The following COL25A1 variants were observed in gnomAD, a reference collection of about 807,000 sequenced individuals.
COL25A1 encodes collagen type XXV alpha 1 chain, also known as collagen alpha-1(XXV) chain.
COL25A1 carries 103 observed loss-of-function variants against 128.4 expected under a neutral mutation model. That is an observed-to-expected ratio of 0.80 (90% confidence interval 0.68 to 0.94). COL25A1 has a LOEUF of 0.94. COL25A1 is among the 40% of genes least tolerant of loss of function. COL25A1 has a pLI of 0.00. For missense variants in COL25A1, 745 were observed against 840.0 expected (o/e 0.89, Z 1.40); for synonymous variants, 279 against 277.2 (o/e 1.01, Z -0.06).
chr4:108,843,352 T>C (rs1305621330), intron 30 of COL25A1, among the ~76,000 whole-genome samples: 1 of 152,132 alleles, frequency 6.6e-6, no homozygotes, highest in Non-Finnish European at 1.5e-5. Flanking sequence ...AGAGTGACCA[T>C]AATTTACTTA....
At chr4:108,968,113 G>A (rs1751523411) in intron 8 of COL25A1, among the ~76,000 whole-genome samples, 2 of 152,142 alleles carry the variant, frequency 1.3e-5, no homozygotes, top group Non-Finnish European at 2.9e-5. Flanking sequence ...TCTTATGTCA[G>A]GATGCATTCA....
chr4:109,173,292 T>C lies in COL25A1; in HGVS notation c.368-123113A>G, dbSNP rs115007263. Among the ~76,000 whole-genome samples the C allele has an allele frequency of 5.9e-3, 902 of 152,262 alleles. 9 individuals carry two copies. The highest frequency in any genetic ancestry group is 0.02 in the African/African-American group (841 of 41,570). On this transcript the variant is annotated intron_variant, in intron 3 of 37. Coordinates refer to ENST00000399132, the MANE Select transcript of COL25A1 (RefSeq NM_198721.4). ...TAGTAGAGATGAGGTCTCACTATATTGTCCAGGCTGGTCTCAAACACCTGG... is the reference window on the plus strand; with the variant it reads ...TAGTAGAGATGAGGTCTCACTATATCGTCCAGGCTGGTCTCAAACACCTGG...
At chr4:109,158,117 T>G (rs1227134130) in intron 3 of COL25A1, among the ~76,000 whole-genome samples, 1 of 152,252 alleles carries the variant, frequency 6.6e-6, no homozygotes, top group African/African-American at 2.4e-5. Flanking sequence ...CTTTGAATTT[T>G]TTATACATAT....
intron 16 of COL25A1, among the ~76,000 whole-genome samples, chr4:108,893,553 G>A (rs897294206): frequency 3.3e-5 from 5 of 152,004 alleles, no homozygotes; most frequent in Non-Finnish European, 7.4e-5. Flanking sequence ...GGTTTTTACA[G>A]TTCCACAGTA....
intron 6 of COL25A1, among the ~76,000 whole-genome samples, chr4:108,979,689 C>T (rs1752770472): frequency 6.6e-6 from 1 of 152,190 alleles, no homozygotes. Context: ...TGAAATATAA[C>T]AAAACCTTTT....
chr4:108,881,711 C>A (rs1740149157), intron 19 of COL25A1, among the ~76,000 whole-genome samples: 1 of 152,094 alleles, frequency 6.6e-6, no homozygotes, highest in East Asian at 1.9e-4. Context: ...TTTAGCTCTA[C>A]ATTTATAAAT....
At chr4:108,888,260 A>C (rs905434796) in intron 18 of COL25A1, among the ~76,000 whole-genome samples, 1 of 152,184 alleles carries the variant, frequency 6.6e-6, no homozygotes, top group Non-Finnish European at 1.5e-5. Context: ...AGAAGTTGGA[A>C]ACCTTATTTT....
chr4:108,832,973 T>TAATAAATAAATAAATACATAAATAAATA (rs374659428), intron 31 of COL25A1, among the ~76,000 whole-genome samples: 33 of 106,162 alleles, frequency 3.1e-4, no homozygotes, highest in African/African-American at 9.7e-4. Flanking sequence ...TCTCAAAAAA[T>TAATAAATAAATAAATACATAAATAAATA]AATAAATAAA....
intron 3 of COL25A1, among the ~76,000 whole-genome samples, chr4:109,249,892 C>A (rs939596898): frequency 6.6e-6 from 1 of 152,120 alleles, no homozygotes; most frequent in African/African-American, 2.4e-5. Context: ...TGCAAATTCA[C>A]CCCCATTTGC....
At chr4:108,930,288 G>T (rs1304237402) in intron 11 of COL25A1, among the ~76,000 whole-genome samples, 1 of 152,106 alleles carries the variant, frequency 6.6e-6, no homozygotes, top group African/African-American at 2.4e-5. Flanking sequence ...TTCCCAGGGG[G>T]TTAGGAATCT....
intron 3 of COL25A1, among the ~76,000 whole-genome samples, chr4:109,234,508 C>G (rs1249240137): frequency 1.3e-5 from 2 of 152,112 alleles, no homozygotes; most frequent in Non-Finnish European, 2.9e-5. Flanking sequence ...ATCCTGCTCT[C>G]TTTCTCTCTC....
intron 3 of COL25A1, among the ~76,000 whole-genome samples, chr4:109,148,458 C>T (rs1260975388): frequency 6.6e-6 from 1 of 152,172 alleles, no homozygotes; most frequent in Admixed American, 6.5e-5. Context: ...ATTCATTCTA[C>T]CATCCCACCA....
intron 21 of COL25A1, among the ~76,000 whole-genome samples, chr4:108,862,840 CT>C (rs1379660768): frequency 6.6e-6 from 1 of 152,120 alleles, no homozygotes; most frequent in East Asian, 1.9e-4. Context: ...CATCAATTTC[CT>C]TTTCATCAGT....
intron 3 of COL25A1, among the ~76,000 whole-genome samples, chr4:109,103,227 G>A (rs1344200353): frequency 6.6e-6 from 1 of 152,050 alleles, no homozygotes; most frequent in African/African-American, 2.4e-5. Flanking sequence ...AAAATTCAAT[G>A]TTTTCATAGA....
chr4:109,049,958 A>G (rs190056455), intron 4 of COL25A1, among the ~76,000 whole-genome samples, 177 bp downstream of exon 4: 53 of 152,358 alleles, frequency 3.5e-4, no homozygotes, highest in African/African-American at 1.2e-3. Flanking sequence ...AGTTTAATAG[A>G]AATAAGGAGA....
chr4:108,844,413 G>C (rs932111024), intron 30 of COL25A1, 106 bp downstream of exon 30: 10 of 1,582,928 alleles, frequency 6.3e-6, no homozygotes, highest in African/African-American at 4.0e-5. Flanking sequence ...ATTCCACAGA[G>C]AGTAGTACAA....
intron 13 of COL25A1, among the ~76,000 whole-genome samples, chr4:108,908,727 A>T (rs746418332): frequency 2.6e-5 from 4 of 152,140 alleles, no homozygotes; most frequent in Non-Finnish European, 4.4e-5. Context: ...TGTGCAGGAG[A>T]CCAGAGTTTT....
At chr4:108,928,341 T>C (rs1246905143) in intron 11 of COL25A1, among the ~76,000 whole-genome samples, 2 of 152,186 alleles carry the variant, frequency 1.3e-5, no homozygotes, top group Non-Finnish European at 2.9e-5. Flanking sequence ...CAGATCTGTT[T>C]TCTACCTAGA....
chr4:109,137,921 C>T (rs1769953724), intron 3 of COL25A1, among the ~76,000 whole-genome samples: 2 of 151,832 alleles, frequency 1.3e-5, no homozygotes, highest in African/African-American at 4.8e-5. Flanking sequence ...CTTTCAAATA[C>T]ATGCTCTAAT....
Sources: allele counts gnomAD v4.1 joint callset (sites outside exome capture counted in the v4.1 genomes callset), GRCh38; gene constraint gnomAD v4.1.1; transcripts MANE v1.5; gene names NCBI Gene and HGNC (gene_info 2026-07-23, HGNC 2026-07-21).